TMEM272: variants seen among roughly 807,000 people sequenced by gnomAD.
The protein encoded by TMEM272 is long intergenic non-protein coding RNA 282.
Under a neutral mutation model 3.7 loss-of-function variants are expected in TMEM272, and 8 were observed. The ratio of observed to expected loss-of-function variants is 2.17; its 90% CI spans 1.27 to 3.91. The LOEUF is 3.91. TMEM272 is among the 30% of genes most tolerant of loss of function. The pLI is 0.00. For synonymous variants in TMEM272, 63 were observed against 39.8 expected, an observed-to-expected ratio of 1.58 and a Z score of -2.20; for missense variants, 166 against 91.5, an observed-to-expected ratio of 1.81 and a Z score of -3.32.
chr13:51,855,698 T>C, the TMEM272 span, among the ~76,000 whole-genome samples: 1 of 152,048 alleles, frequency 6.6e-6, no homozygotes, highest in Non-Finnish European at 1.5e-5. Context: ...TGAAATGGAC[T>C]ATAGGACAGT....
rs532058275 is a variant in TMEM272, at chr13:51,831,648, T to C, written c.59-5023A>G. ...AGGACACCCAAGCCACAGTCAGGAATTGGGGAGCCCCACTCTCGCCTGATC... is the reference window on the plus strand; with the variant it reads ...AGGACACCCAAGCCACAGTCAGGAACTGGGGAGCCCCACTCTCGCCTGATC... On this transcript the variant is annotated intron_variant, in intron 2 of 4. Coordinates refer to ENST00000629372, the MANE Select transcript of TMEM272 (RefSeq NM_001351003.2). Among the ~76,000 whole-genome samples the C allele has an allele frequency of 3.9e-5, 6 of 152,334 alleles. No homozygotes were observed. The South Asian group carries it at 1.0e-3, about 26-fold the overall frequency.
At chr13:51,899,370 A>ACTTCTTTTC in the TMEM272 span, among the ~76,000 whole-genome samples, 2 of 152,226 alleles carry the variant, frequency 1.3e-5, no homozygotes, top group Admixed American at 1.3e-4. Flanking sequence ...AAACAGTAAT[A>ACTTCTTTTC]AAAGCCAGAA....
At chr13:51,877,535 A>G in the TMEM272 span, among the ~76,000 whole-genome samples, 1 of 152,250 alleles carries the variant, frequency 6.6e-6, no homozygotes, top group East Asian at 1.9e-4. Flanking sequence ...TACAATGAAT[A>G]TATTTGTCCC....
At chr13:51,865,486 T>A in the TMEM272 span, 1 of 1,614,186 alleles carries the variant, frequency 6.2e-7, no homozygotes, top group Non-Finnish European at 8.5e-7. Context: ...CTCCCAGTAT[T>A]CGCCAGAAGA....
At chr13:51,912,227 G>A in the TMEM272 span, among the ~76,000 whole-genome samples, 1 of 152,220 alleles carries the variant, frequency 6.6e-6, no homozygotes, top group Non-Finnish European at 1.5e-5. Context: ...CCCGAGCACA[G>A]TGTGTGCAGC....
chr13:51,873,742 G>A, the TMEM272 span, among the ~76,000 whole-genome samples: 1 of 152,320 alleles, frequency 6.6e-6, no homozygotes, highest in East Asian at 1.9e-4. Context: ...GGCTGACTCT[G>A]AAGAGCCTTT....
chr13:51,837,818 G>A (rs184016695), intron 2 of TMEM272, among the ~76,000 whole-genome samples: 2 of 152,328 alleles, frequency 1.3e-5, no homozygotes, highest in Admixed American at 6.5e-5. Context: ...ACCTTAGTCC[G>A]CCACTACCCA....
At chr13:51,824,455 C>T (rs1956106307) in intron 3 of TMEM272, among the ~76,000 whole-genome samples, 1 of 152,222 alleles carries the variant, frequency 6.6e-6, no homozygotes, top group Non-Finnish European at 1.5e-5. Flanking sequence ...GCAACCATCA[C>T]CACTATCTAT....
At chr13:51,917,854 C>T in the TMEM272 span, among the ~76,000 whole-genome samples, 4 of 152,188 alleles carry the variant, frequency 2.6e-5, no homozygotes, top group African/African-American at 9.7e-5. Flanking sequence ...CGAATTCTCA[C>T]GTCCCAAACT....
rs1019653580 is a variant in TMEM272 at position 51,814,258 on chromosome 13, C to T, written c.*2493G>A. ...AAGAACCACAGTTATAGACCATTTGCCTTACTTAGCCCCAGAGCCTCTTTC... is the reference window on the plus strand; with the variant it reads ...AAGAACCACAGTTATAGACCATTTGTCTTACTTAGCCCCAGAGCCTCTTTC... On this transcript the variant is annotated 3_prime_UTR_variant, in exon 5 of 5. Transcript: ENST00000629372. 2.6e-5 allele frequency: 4 copies of T among 152,234 alleles called. No homozygotes were observed. Among genetic ancestry groups the T allele is most frequent in the Non-Finnish European group, 5.9e-5 (4 of 68,072 alleles). The allele number at this position is 152,234 out of a possible 1,614,324, so 9.4% of individuals were successfully genotyped here.
the TMEM272 span, among the ~76,000 whole-genome samples, chr13:51,892,180 G>A: frequency 6.6e-6 from 1 of 152,172 alleles, no homozygotes. Flanking sequence ...GGAAGAGCAG[G>A]ACTAGTCTCT....
At chr13:51,832,828 T>C (rs1368400245) in intron 2 of TMEM272, among the ~76,000 whole-genome samples, 3 of 152,250 alleles carry the variant, frequency 2.0e-5, no homozygotes, top group African/African-American at 7.2e-5. Context: ...CAGCTATTCA[T>C]TCTTGCATTC....
At chr13:51,851,522 C>CTTTTT in the TMEM272 span, among the ~76,000 whole-genome samples, 25 of 97,990 alleles carry the variant, frequency 2.6e-4, no homozygotes, top group African/African-American at 8.8e-4. Context: ...TTTGTTTTAC[C>CTTTTT]TTTTTTTTTT....
chr13:51,875,627 T>C, the TMEM272 span, among the ~76,000 whole-genome samples: 4 of 152,166 alleles, frequency 2.6e-5, no homozygotes, highest in African/African-American at 9.7e-5. Flanking sequence ...GACTCTGACT[T>C]GGCCCAGGGG....
chr13:51,904,171 T>A, the TMEM272 span, among the ~76,000 whole-genome samples: 1 of 152,156 alleles, frequency 6.6e-6, no homozygotes, highest in Admixed American at 6.5e-5. Flanking sequence ...TGACTGCTTG[T>A]TGCCTGCTTT....
intron 4 of TMEM272, among the ~76,000 whole-genome samples, chr13:51,817,648 G>A (rs1956045255): frequency 1.4e-5 from 2 of 143,694 alleles, no homozygotes; most frequent in Non-Finnish European, 3.1e-5. Flanking sequence ...GCCCCGCCCA[G>A]CCTGCTTTCT....
chr13:51,865,159 A>G, the TMEM272 span, among the ~76,000 whole-genome samples: 9 of 152,140 alleles, frequency 5.9e-5, no homozygotes, highest in African/African-American at 2.2e-4. Context: ...CTGCCTCTCC[A>G]GCTCAAAGCC....
the TMEM272 span, among the ~76,000 whole-genome samples, chr13:51,861,022 T>G: frequency 6.6e-6 from 1 of 151,938 alleles, no homozygotes; most frequent in Non-Finnish European, 1.5e-5. Flanking sequence ...AAACAGAGAA[T>G]CCTGCCGTTT....
chr13:51,817,164 G>T, intron 4 of TMEM272, 51 bp from the exon 5 acceptor site: 1 of 670,156 alleles, frequency 1.5e-6, no homozygotes, highest in Non-Finnish European at 2.7e-6. Context: ...CAAAATAGAC[G>T]GGAAGAGAGG....
Sources: gnomAD v4.1 joint callset for allele counts (sites outside exome capture counted in the v4.1 genomes callset) on GRCh38, gnomAD v4.1.1 for gene constraint, MANE v1.5 for transcripts, NCBI Gene and HGNC (gene_info 2026-07-23, HGNC 2026-07-21) for gene names.